Variants in TRIM5 observed in about 807,000 individuals in gnomAD.
The protein encoded by TRIM5 is tripartite motif-containing protein 5.
Under a neutral mutation model 35.6 loss-of-function variants are expected in TRIM5, and 31 were observed. The observed-to-expected ratio is 0.87, with a 90% CI of 0.65 to 1.18. The LOEUF is 1.18. Ranked by LOEUF, TRIM5 falls within the 50% of genes most tolerant of loss-of-function variation. The pLI is 0.00. For missense variants in TRIM5, 609 were observed against 591.6 expected (o/e 1.03, Z -0.31); for synonymous variants, 243 against 215.6 (o/e 1.13, Z -1.11).
chr11:5,632,545 C>T, the TRIM5 span: 1 of 1,613,906 alleles, frequency 6.2e-7, no homozygotes, highest in Non-Finnish European at 8.5e-7. Context: ...ACAGGCTAAT[C>T]AGCATCTGGC....
intron 3 of TRIM5, 118 bp from the exon 4 acceptor site, chr11:5,678,552 G>GT: frequency 1.3e-6 from 1 of 766,876 alleles, no homozygotes; most frequent in Admixed American, 3.0e-5. Context: ...TAGCAGGAGA[G>GT]TAGGTCTTAG....
chr11:5,637,560 T>C, the TRIM5 span, among the ~76,000 whole-genome samples: 1 of 152,352 alleles, frequency 6.6e-6, no homozygotes, highest in Non-Finnish European at 1.5e-5. Context: ...GGAAAGAAGA[T>C]GGCAGTTACT....
At chr11:5,612,106 T>G in the TRIM5 span, 84 of 152,322 alleles carry the variant, frequency 5.5e-4, no homozygotes, top group African/African-American at 1.8e-3. Context: ...CATTATTATT[T>G]GTTGTATGCA....
At chr11:5,684,616 G>A (rs2134155701) in intron 1 of TRIM5, among the ~76,000 whole-genome samples, 1 of 152,306 alleles carries the variant, frequency 6.6e-6, no homozygotes, top group East Asian at 1.9e-4. Context: ...GACACTGAAA[G>A]AGAGAATTCT....
the TRIM5 span, among the ~76,000 whole-genome samples, chr11:5,625,917 G>A: frequency 1.3e-5 from 2 of 152,178 alleles, no homozygotes; most frequent in East Asian, 1.9e-4. Context: ...TGTTCATTGT[G>A]GGCTCAGAAG....
the TRIM5 span, among the ~76,000 whole-genome samples, chr11:5,592,351 A>G: frequency 6.6e-6 from 1 of 152,136 alleles, no homozygotes; most frequent in Non-Finnish European, 1.5e-5. Context: ...ATACTTGCAT[A>G]TTTAGTCTTC....
chr11:5,601,482 G>A, the TRIM5 span, among the ~76,000 whole-genome samples: 4 of 152,218 alleles, frequency 2.6e-5, no homozygotes, highest in Non-Finnish European at 4.4e-5. Context: ...CCCAGGCTGG[G>A]CGCAGTGGCT....
intron 5 of TRIM5, among the ~76,000 whole-genome samples, chr11:5,666,641 G>A (rs569387742): frequency 1.2e-4 from 18 of 152,152 alleles, no homozygotes; most frequent in East Asian, 1.9e-4. Context: ...TCAGATTTCC[G>A]GGAAAAATTA....
the TRIM5 span, among the ~76,000 whole-genome samples, chr11:5,635,248 C>T: frequency 2.8e-5 from 4 of 142,406 alleles, no homozygotes; most frequent in Non-Finnish European, 6.1e-5. Flanking sequence ...CAAATGTTCC[C>T]TGTTAATTTT....
chr11:5,600,138 G>T, the TRIM5 span, among the ~76,000 whole-genome samples: 1 of 152,214 alleles, frequency 6.6e-6, no homozygotes, highest in Non-Finnish European at 1.5e-5. Flanking sequence ...ATTATATTTT[G>T]CACCCTTTAT....
chr11:5,646,293 C>T, the TRIM5 span, among the ~76,000 whole-genome samples: 1 of 152,062 alleles, frequency 6.6e-6, no homozygotes, highest in South Asian at 2.1e-4. Context: ...GCAAAGGAGG[C>T]AGCACTGACG....
At chr11:5,599,270 G>T in the TRIM5 span, among the ~76,000 whole-genome samples, 1 of 152,290 alleles carries the variant, frequency 6.6e-6, no homozygotes, top group Admixed American at 6.5e-5. Context: ...TCCTTCAAGA[G>T]AATTGGGTAC....
chr11:5,605,323 C>G, the TRIM5 span: 6 of 1,613,858 alleles, frequency 3.7e-6, no homozygotes, highest in Non-Finnish European at 5.1e-6. Flanking sequence ...TCTTTTTCTT[C>G]CCTGTTCCTG....
At chr11:5,591,739 G>C in the TRIM5 span, among the ~76,000 whole-genome samples, 10 of 152,150 alleles carry the variant, frequency 6.6e-5, no homozygotes, top group African/African-American at 2.4e-4. Context: ...TCCTGCCATG[G>C]GGTGATGCAA....
chr11:5,619,659 G>GTA, the TRIM5 span: 2 of 139,232 alleles, frequency 1.4e-5, no homozygotes, highest in Non-Finnish European at 3.1e-5. Flanking sequence ...GTTCCTACCA[G>GTA]TATATGACTC....
the TRIM5 span, among the ~76,000 whole-genome samples, chr11:5,654,945 C>T: frequency 2.6e-5 from 4 of 152,130 alleles, no homozygotes; most frequent in Non-Finnish European, 5.9e-5. Flanking sequence ...AATCCCAGCA[C>T]TTTGGAAGGC....
At chr11:5,641,221 G>A in the TRIM5 span, 13 of 1,613,612 alleles carry the variant, frequency 8.1e-6, no homozygotes, top group Non-Finnish European at 5.1e-6. Flanking sequence ...TGGTGCTTGT[G>A]AGTTATAAAG....
At chr11:5,658,971 G>A (rs140509724), downstream of TRIM5, among the ~76,000 whole-genome samples, 1,050 of 152,238 alleles carry the variant, frequency 6.9e-3, 6 homozygotes, top group African/African-American at 0.024. Context: ...TTGGACACAG[G>A]GCGGGGAACA....
intron 3 of TRIM5, 104 bp from the exon 4 acceptor site, chr11:5,678,538 A>G (rs1002735005): frequency 5.7e-6 from 5 of 872,758 alleles, no homozygotes; most frequent in South Asian, 4.0e-5. Context: ...AGGAGGGGAC[A>G]TAGTAGCAGG....
Sources: allele counts gnomAD v4.1 joint callset (sites outside exome capture counted in the v4.1 genomes callset), GRCh38; gene constraint gnomAD v4.1.1; transcripts MANE v1.5; gene names NCBI Gene and HGNC (gene_info 2026-07-23, HGNC 2026-07-21).